Variants in ANK3 observed in about 807,000 individuals in gnomAD.
ANK3 encodes the protein ankyrin-3.
ANK3 carries 57 observed loss-of-function variants against 370.9 expected under a neutral mutation model. The ratio of observed to expected loss-of-function variants is 0.15; its 90% CI spans 0.12 to 0.19. The LOEUF is 0.19. Ranked by LOEUF, ANK3 falls within the 10% of genes least tolerant of loss-of-function variation. The probability of loss-of-function intolerance (pLI) is 1.00; values close to 1 mark genes in which losing one functional copy is unlikely to be tolerated. For synonymous variants in ANK3, 1,929 were observed against 1,946.3 expected (o/e 0.99, Z 0.23); for missense variants, 4,439 against 5,302.1 (o/e 0.84, Z 5.06).
At chr10:60,481,092 A>T (rs1396145121) in intron 2 of ANK3, among the ~76,000 whole-genome samples, 2 of 152,188 alleles carry the variant, frequency 1.3e-5, no homozygotes, top group Non-Finnish European at 2.9e-5. Flanking sequence ...CTGAGTAAAC[A>T]TTCAACCTCC....
At chr10:60,401,208 G>A (rs1003725298) in intron 2 of ANK3, among the ~76,000 whole-genome samples, 8 of 152,118 alleles carry the variant, frequency 5.3e-5, no homozygotes, top group African/African-American at 1.7e-4. Context: ...GTGGAATGGC[G>A]GTTCTCAGGG....
At chr10:60,368,021 A>G (rs926832579) in intron 1 of ANK3, among the ~76,000 whole-genome samples, 2 of 152,206 alleles carry the variant, frequency 1.3e-5, no homozygotes, top group Non-Finnish European at 2.9e-5. Context: ...AGAATAAATT[A>G]CAACAGCAGT....
At chr10:60,430,638 T>A (rs1220847290) in intron 2 of ANK3, among the ~76,000 whole-genome samples, 2 of 152,186 alleles carry the variant, frequency 1.3e-5, no homozygotes, top group Admixed American at 1.3e-4. Flanking sequence ...GTTACACGTA[T>A]TACTGCTGTT....
chr10:60,697,407 A>C (rs1210674511), intron 1 of ANK3, among the ~76,000 whole-genome samples: 1 of 150,956 alleles, frequency 6.6e-6, no homozygotes, highest in African/African-American at 2.4e-5. Context: ...AAACTACTTT[A>C]AAGTTCATAT....
At chr10:60,186,347 C>CTT (rs1555089883) in intron 17 of ANK3, among the ~76,000 whole-genome samples, 4 of 133,266 alleles carry the variant, frequency 3.0e-5, no homozygotes, top group Admixed American at 7.6e-5. Flanking sequence ...ATCTTTCTGT[C>CTT]TTTTTTTTTT....
intron 1 of ANK3, among the ~76,000 whole-genome samples, chr10:60,382,799 A>ATATG (rs1485288685): frequency 2.9e-3 from 16 of 5,472 alleles, no homozygotes; most frequent in African/African-American, 5.9e-3. Flanking sequence ...ACCTAAATCT[A>ATATG]TATATATATA....
chr10:60,406,977 C>A (rs182385552), intron 2 of ANK3, among the ~76,000 whole-genome samples: 3 of 152,246 alleles, frequency 2.0e-5, no homozygotes, highest in African/African-American at 7.2e-5. Context: ...CATAATAGAT[C>A]TTTTGTTCAG....
rs113880420 is a variant in ANK3, at chr10:60,687,032, C to T, written c.57+46231G>A. Among the ~76,000 whole-genome samples the T allele has an allele frequency of 9.9e-4, 151 of 152,290 alleles. 1 individual carries two copies. The highest frequency in any genetic ancestry group is 6.8e-3 in the Middle Eastern group (2 of 294). ...TTATATTTGCCTATAGCATTCAGTA[C>T]AGTAACATGCTGTACAGCTTATAGC... On this transcript the variant is annotated intron_variant, in intron 1 of 43. Coordinates refer to the ANK3 transcript ENST00000373827.
chr10:60,202,568 C>T (rs532809077), intron 12 of ANK3, among the ~76,000 whole-genome samples: 18 of 152,264 alleles, frequency 1.2e-4, no homozygotes, highest in African/African-American at 3.6e-4. Context: ...TATTCTTGAA[C>T]TTTCTTCTTT....
chr10:60,713,222 T>C (rs769878940), intron 1 of ANK3, among the ~76,000 whole-genome samples: 6 of 152,106 alleles, frequency 3.9e-5, no homozygotes, highest in Non-Finnish European at 7.3e-5. Flanking sequence ...AAATATACCT[T>C]AACAAATGTA....
chr10:60,408,863 T>C (rs1214578786), intron 2 of ANK3, among the ~76,000 whole-genome samples: 1 of 152,150 alleles, frequency 6.6e-6, no homozygotes, highest in Non-Finnish European at 1.5e-5. Context: ...GGCTTTTATA[T>C]GAACTCAACT....
intron 1 of ANK3, among the ~76,000 whole-genome samples, chr10:60,376,323 C>T (rs1303888166): frequency 6.6e-6 from 1 of 152,174 alleles, no homozygotes; most frequent in Non-Finnish European, 1.5e-5. Context: ...TCTAGGAAAA[C>T]AGGTCAAAGC....
intron 2 of ANK3, among the ~76,000 whole-genome samples, chr10:60,473,435 A>C (rs919050216): frequency 2.0e-5 from 3 of 152,218 alleles, no homozygotes; most frequent in African/African-American, 7.2e-5. Flanking sequence ...TAGGAATTAC[A>C]TTCTATATTC....
At position 60,075,609 on chromosome 10, in the gene ANK3, C is replaced by T. The variant is rs768599771; in HGVS notation, c.5272G>A (p.Ala1758Thr). 3.1e-6 allele frequency: 5 copies of T among 1,614,096 alleles called. No homozygotes were observed. In the South Asian group the frequency reaches 5.5e-5, roughly 18 times the overall value. ...ACTTTCTCAACTGTGTCAGTGGCTG[C>T]ACTGACCACAGAGCTCACAGAGTTT... ...ATNSVSSVVS[A>T]ATDTVEKVFS... The change falls in exon 37 of 44, where the codon GCA (alanine) becomes ACA (threonine). Residue 1758 changes from alanine (A) to threonine (T), a missense_variant. Around this residue, in one of 13 missense-constraint regions of ANK3, gnomAD observed 679 missense variants for 791.0 expected, o/e 0.86. Coordinates refer to ENST00000280772, the MANE Select transcript of ANK3 (RefSeq NM_020987.5).
chr10:60,377,830 C>T (rs1044597781), intron 1 of ANK3, among the ~76,000 whole-genome samples: 6 of 152,138 alleles, frequency 3.9e-5, no homozygotes, highest in African/African-American at 1.4e-4. Flanking sequence ...ATTTCCTCAT[C>T]AGCAAAATGC....
chr10:60,082,471 G>T, intron 34 of ANK3, 144 bp downstream of exon 34: 1 of 1,155,402 alleles, frequency 8.7e-7, no homozygotes, highest in Non-Finnish European at 1.2e-6. Flanking sequence ...ACATTAACAA[G>T]ACTTAGGCAA....
At chr10:60,277,271 T>C in intron 4 of ANK3, among the ~76,000 whole-genome samples, 1 of 152,180 alleles carries the variant, frequency 6.6e-6, no homozygotes, top group East Asian at 1.9e-4. Flanking sequence ...TAGAAAATCC[T>C]GGTAAAATCA....
chr10:60,322,051 C>A (rs983029025), intron 1 of ANK3, among the ~76,000 whole-genome samples: 2 of 152,114 alleles, frequency 1.3e-5, no homozygotes, highest in Admixed American at 1.3e-4. Context: ...CCTTGAGTAT[C>A]TAAAGTTGTC....
At chr10:60,120,375 T>C (rs1590283856) in intron 25 of ANK3, among the ~76,000 whole-genome samples, 2 of 151,770 alleles carry the variant, frequency 1.3e-5, no homozygotes, top group East Asian at 3.9e-4. Flanking sequence ...AAAAAATACA[T>C]TAGGGAAACT....
Sources: gnomAD v4.1 joint callset for allele counts (sites outside exome capture counted in the v4.1 genomes callset) on GRCh38, gnomAD v4.1.1 for gene constraint, gnomAD v4.1.1 regional missense constraint, MANE v1.5 for transcripts, NCBI Gene and HGNC (gene_info 2026-07-23, HGNC 2026-07-21) for gene names.